The following PTPRD variants were observed in gnomAD, a reference collection of about 807,000 sequenced individuals.
PTPRD encodes receptor-type tyrosine-protein phosphatase delta.
Under a neutral mutation model 214.5 loss-of-function variants are expected in PTPRD, and 34 were observed. The observed-to-expected ratio is 0.16, with a 90% CI of 0.12 to 0.21. The LOEUF is 0.21. PTPRD is among the 10% of genes least tolerant of loss of function. The pLI, the probability that PTPRD is intolerant of heterozygous loss-of-function variation, is 1.00. For synonymous variants in PTPRD, 1,128 were observed against 845.7 expected (o/e 1.33, Z -5.79); for missense variants, 2,545 against 2,398.7 (o/e 1.06, Z -1.27).
chr9:9,121,095 T>C (rs1234249740), intron 10 of PTPRD, among the ~76,000 whole-genome samples: 3 of 152,214 alleles, frequency 2.0e-5, no homozygotes, highest in Non-Finnish European at 2.9e-5. Context: ...GTTCAAATAC[T>C]TATTGAAAGT....
chr9:8,320,663 ATG>A, intron 44 of PTPRD, among the ~76,000 whole-genome samples: 1 of 152,214 alleles, frequency 6.6e-6, no homozygotes, highest in East Asian at 1.9e-4. Context: ...TTAAAAAAAA[ATG>A]GTTAAGAGCC....
chr9:9,514,705 T>C (rs1030872909), intron 8 of PTPRD, among the ~76,000 whole-genome samples: 10 of 152,216 alleles, frequency 6.6e-5, no homozygotes, highest in South Asian at 2.1e-4. Context: ...AAAATGAAGG[T>C]CCTCCTCAGT....
At chr9:9,889,319 T>C (rs963288855) in intron 5 of PTPRD, among the ~76,000 whole-genome samples, 1 of 152,168 alleles carries the variant, frequency 6.6e-6, no homozygotes, top group African/African-American at 2.4e-5. Context: ...GTTAACTAGC[T>C]AGATTTAGTC....
At chr9:8,449,517 T>C (rs2095856001) in intron 34 of PTPRD, among the ~76,000 whole-genome samples, 1 of 152,178 alleles carries the variant, frequency 6.6e-6, no homozygotes, top group Admixed American at 6.5e-5. Context: ...CCATATTTCT[T>C]TTTCTTCCCT....
At chr9:9,551,674 T>C (rs1313848736) in intron 8 of PTPRD, among the ~76,000 whole-genome samples, 1 of 151,950 alleles carries the variant, frequency 6.6e-6, no homozygotes, top group Admixed American at 6.6e-5. Context: ...CATTGGACTT[T>C]CCATTTTAAT....
At chr9:9,336,739 T>A (rs1250223671) in intron 9 of PTPRD, among the ~76,000 whole-genome samples, 1 of 152,192 alleles carries the variant, frequency 6.6e-6, no homozygotes, top group Admixed American at 6.6e-5. Flanking sequence ...CTGTCAACTT[T>A]TAAAGTAAGC....
At chr9:9,132,615 C>T (rs1474703873) in intron 10 of PTPRD, among the ~76,000 whole-genome samples, 1 of 152,090 alleles carries the variant, frequency 6.6e-6, no homozygotes, top group Non-Finnish European at 1.5e-5. Context: ...TAAAAATAAA[C>T]AATAAGAAGA....
chr9:8,705,940 G>C (rs906319815), intron 12 of PTPRD, among the ~76,000 whole-genome samples: 1 of 152,126 alleles, frequency 6.6e-6, no homozygotes, highest in African/African-American at 2.4e-5. Flanking sequence ...CTGTGATTCG[G>C]AGCATTTAGT....
At chr9:9,045,072 A>C (rs1344988795) in intron 10 of PTPRD, among the ~76,000 whole-genome samples, 2 of 152,194 alleles carry the variant, frequency 1.3e-5, no homozygotes, top group Admixed American at 1.3e-4. Flanking sequence ...AAGAAACATG[A>C]TTGTCATTTC....
intron 5 of PTPRD, among the ~76,000 whole-genome samples, chr9:9,863,763 A>G (rs2063311076): frequency 6.6e-6 from 1 of 152,110 alleles, no homozygotes; most frequent in Non-Finnish European, 1.5e-5. Flanking sequence ...CAAACTTCAG[A>G]AAGACACTCT....
intron 2 of PTPRD, among the ~76,000 whole-genome samples, chr9:10,387,407 TGTAA>T (rs2097938293): frequency 1.3e-5 from 2 of 151,964 alleles, no homozygotes; most frequent in South Asian, 4.2e-4. Flanking sequence ...TGGGGAAATG[TGTAA>T]GTGAGGATTC....
chr9:10,384,444 T>G (rs183724134), intron 2 of PTPRD, among the ~76,000 whole-genome samples: 10 of 151,890 alleles, frequency 6.6e-5, no homozygotes, highest in Non-Finnish European at 1.2e-4. Flanking sequence ...ATAAAAAATG[T>G]TAATTGAATC....
intron 34 of PTPRD, chr9:8,438,706 C>T (rs1270955628): frequency 1.3e-5 from 2 of 152,028 alleles, no homozygotes; most frequent in South Asian, 2.1e-4. Flanking sequence ...TAGACCTTTT[C>T]GAGCGGATCG....
intron 8 of PTPRD, among the ~76,000 whole-genome samples, chr9:9,413,559 A>G (rs2142035556): frequency 6.6e-6 from 1 of 152,330 alleles, no homozygotes; most frequent in South Asian, 2.1e-4. Flanking sequence ...ATCATTATCC[A>G]AAAAAACAAA....
At chr9:8,713,348 TG>T in intron 12 of PTPRD, 1 of 974,962 alleles carries the variant, frequency 1.0e-6, no homozygotes, top group Non-Finnish European at 1.6e-6. Context: ...TACAAAGTAG[TG>T]GGTCGCCGCC....
At chr9:8,862,043 A>AT (rs2098115931) in intron 11 of PTPRD, 1 of 152,184 alleles carries the variant, frequency 6.6e-6, no homozygotes, top group Non-Finnish European at 1.5e-5. Flanking sequence ...TGCTTTGGCC[A>AT]AACACAGAAC....
chr9:9,251,284 T>A (rs2099975384), intron 9 of PTPRD, among the ~76,000 whole-genome samples: 1 of 152,090 alleles, frequency 6.6e-6, no homozygotes, highest in Admixed American at 6.6e-5. Context: ...TGTAAAAGAA[T>A]GTCCAACATT....
intron 26 of PTPRD, among the ~76,000 whole-genome samples, chr9:8,495,181 A>G (rs2097235755): frequency 1.3e-5 from 2 of 152,220 alleles, no homozygotes; most frequent in African/African-American, 4.8e-5. Context: ...GTGACTACCC[A>G]GTGTTACTTC....
intron 8 of PTPRD, among the ~76,000 whole-genome samples, chr9:9,417,995 C>T (rs540010854): frequency 3.9e-5 from 6 of 152,140 alleles, no homozygotes; most frequent in Admixed American, 2.6e-4. Context: ...GAAAAGTTTT[C>T]GCTACTCTCC....
Sources: allele counts gnomAD v4.1 joint callset (sites outside exome capture counted in the v4.1 genomes callset), GRCh38; gene constraint gnomAD v4.1.1; transcripts MANE v1.5; gene names NCBI Gene and HGNC (gene_info 2026-07-23, HGNC 2026-07-21).